ARSG: variants seen among roughly 807,000 people sequenced by gnomAD.
ARSG encodes the protein ASG.
In ARSG, 37 loss-of-function variants were observed where a neutral mutation model predicts 50.5. The ratio of observed to expected loss-of-function variants is 0.73; its 90% CI spans 0.56 to 0.96. The LOEUF (loss-of-function observed/expected upper bound fraction) is 0.96. Among genes scored for constraint, ARSG ranks in the 50% least tolerant of loss-of-function variants. The pLI, the probability that ARSG is intolerant of heterozygous loss-of-function variation, is 0.00. For synonymous variants in ARSG, 225 were observed against 254.6 expected, an observed-to-expected ratio of 0.88 and a Z score of 1.11; for missense variants, 629 against 675.3, an observed-to-expected ratio of 0.93 and a Z score of 0.76.
intron 1 of ARSG, among the ~76,000 whole-genome samples, chr17:68,293,371 C>A (rs958374927): frequency 1.5e-4 from 23 of 152,114 alleles, no homozygotes; most frequent in African/African-American, 5.3e-4. Context: ...CTCTGTACTT[C>A]AGTCTCTTGA....
chr17:68,439,270 T>C, the ARSG span, among the ~76,000 whole-genome samples: 2 of 152,242 alleles, frequency 1.3e-5, no homozygotes, highest in Non-Finnish European at 2.9e-5. Flanking sequence ...AAATGTGATA[T>C]ATTTTTATAA....
chr17:68,421,947 T>C, downstream of ARSG: 5 of 1,194,204 alleles, frequency 4.2e-6, no homozygotes, highest in Admixed American at 1.7e-5. Context: ...AATTTTTCTG[T>C]CTGAACTCGC....
chr17:68,377,077 G>A (rs2080187416), intron 8 of ARSG, among the ~76,000 whole-genome samples: 1 of 152,136 alleles, frequency 6.6e-6, no homozygotes, highest in Admixed American at 6.5e-5. Context: ...GGCCAGGCTG[G>A]CCTTGAACTC....
upstream of ARSG, among the ~76,000 whole-genome samples, chr17:68,288,572 A>G (rs2075896290): frequency 6.6e-6 from 1 of 152,182 alleles, no homozygotes; most frequent in South Asian, 2.1e-4. Context: ...AATTTAGGCA[A>G]ATCACTTCAC....
At chr17:68,350,869 A>G (rs1283533676) in intron 4 of ARSG, among the ~76,000 whole-genome samples, 1 of 152,204 alleles carries the variant, frequency 6.6e-6, no homozygotes, top group African/African-American at 2.4e-5. Flanking sequence ...GGAGGAACTC[A>G]GAAGAAAACT....
upstream of ARSG, among the ~76,000 whole-genome samples, chr17:68,289,120 C>G (rs782323060): frequency 6.6e-6 from 1 of 152,070 alleles, no homozygotes; most frequent in Non-Finnish European, 1.5e-5. Flanking sequence ...CCGAAGCAGG[C>G]AGATTACTTG....
At chr17:68,281,012 G>A (rs919549610) in intron 1 of ARSG, among the ~76,000 whole-genome samples, 16 of 151,890 alleles carry the variant, frequency 1.1e-4, no homozygotes, top group African/African-American at 3.4e-4. Context: ...TGTAGTCCCA[G>A]CTGCTTGGGA....
chr17:68,437,010 A>ATGTGTGTG, the ARSG span, among the ~76,000 whole-genome samples: 6,389 of 77,754 alleles, frequency 0.082, 218 homozygotes, highest in South Asian at 0.24. Context: ...AAAAAAATAT[A>ATGTGTGTG]TATATATGTG....
At chr17:68,361,022 A>G (rs1007598934) in intron 6 of ARSG, among the ~76,000 whole-genome samples, 1 of 151,992 alleles carries the variant, frequency 6.6e-6, no homozygotes, top group African/African-American at 2.4e-5. Flanking sequence ...ACGGCGTTTC[A>G]CCATGTTGGC....
At chr17:68,394,432 T>A (rs2081140880) in intron 9 of ARSG, among the ~76,000 whole-genome samples, 1 of 151,990 alleles carries the variant, frequency 6.6e-6, no homozygotes, top group Non-Finnish European at 1.5e-5. Flanking sequence ...CAAGACCTTG[T>A]CTCTACAAAA....
At chr17:68,386,342 C>T (rs1168323000) in intron 9 of ARSG, among the ~76,000 whole-genome samples, 1 of 152,174 alleles carries the variant, frequency 6.6e-6, no homozygotes, top group Non-Finnish European at 1.5e-5. Flanking sequence ...TTGCCATTAG[C>T]CTAATGAGTT....
chr17:68,410,712 T>G (rs2081961331), intron 11 of ARSG, among the ~76,000 whole-genome samples: 1 of 152,248 alleles, frequency 6.6e-6, no homozygotes, highest in Non-Finnish European at 1.5e-5. Flanking sequence ...CAGTTCCTCC[T>G]TCTACCTCTG....
At chr17:68,429,529 G>A in the ARSG span, among the ~76,000 whole-genome samples, 4,894 of 152,190 alleles carry the variant, frequency 0.032, 262 homozygotes, top group African/African-American at 0.11. Flanking sequence ...CTGAGAATCC[G>A]TATTGAAGTC....
At chr17:68,343,337 A>G (rs570416113) in intron 2 of ARSG, among the ~76,000 whole-genome samples, 1 of 152,072 alleles carries the variant, frequency 6.6e-6, no homozygotes, top group Non-Finnish European at 1.5e-5. Context: ...TTATATTTTT[A>G]GTAGAGACGG....
At chr17:68,344,825 G>A (rs2078433610) in intron 3 of ARSG, among the ~76,000 whole-genome samples, 1 of 152,240 alleles carries the variant, frequency 6.6e-6, no homozygotes, top group Non-Finnish European at 1.5e-5. Context: ...ACAAGCGGGT[G>A]GCCCTGTGGG....
At chr17:68,270,806 G>A (rs375675889) in intron 1 of ARSG, 1 of 1,528,748 alleles carries the variant, frequency 6.5e-7, no homozygotes, top group African/African-American at 1.4e-5. Flanking sequence ...AGGGAAAGTA[G>A]ACAAGTGTTT....
chr17:68,294,933 A>G (rs2076153084), intron 1 of ARSG, among the ~76,000 whole-genome samples: 1 of 152,174 alleles, frequency 6.6e-6, no homozygotes, highest in African/African-American at 2.4e-5. Flanking sequence ...AAGATTTGCC[A>G]AGGGGTTCTG....
At chr17:68,291,143 C>A (rs1164141309), upstream of ARSG, 2 of 152,160 alleles carry the variant, frequency 1.3e-5, no homozygotes, top group African/African-American at 2.4e-5. Context: ...GGAGGCTTGG[C>A]CTCCCCCTCC....
At chr17:68,379,265 G>A (rs2080305593) in intron 8 of ARSG, among the ~76,000 whole-genome samples, 1 of 151,970 alleles carries the variant, frequency 6.6e-6, no homozygotes, top group Non-Finnish European at 1.5e-5. Context: ...TGTAGAGACA[G>A]GGTCTCACTC....
Sources: gnomAD v4.1 joint callset for allele counts (sites outside exome capture counted in the v4.1 genomes callset) on GRCh38, gnomAD v4.1.1 for gene constraint, MANE v1.5 for transcripts, NCBI Gene and HGNC (gene_info 2026-07-23, HGNC 2026-07-21) for gene names.